The following ST6GALNAC5 variants were observed in gnomAD, a reference collection of about 807,000 sequenced individuals.
ST6GALNAC5 encodes alpha-N-acetylgalactosaminide alpha-2,6-sialyltransferase 5.
In ST6GALNAC5, 27 loss-of-function variants were observed where a neutral mutation model predicts 33.6. The ratio of observed to expected loss-of-function variants is 0.80; its 90% CI spans 0.59 to 1.11. The LOEUF is 1.11. Ranked by LOEUF, ST6GALNAC5 falls within the 50% of genes least tolerant of loss-of-function variation. The pLI, the probability that ST6GALNAC5 is intolerant of heterozygous loss-of-function variation, is 0.00. For missense variants in ST6GALNAC5, 428 were observed against 454.0 expected (o/e 0.94, Z 0.52); for synonymous variants, 194 against 171.2 (o/e 1.13, Z -1.04).
intron 2 of ST6GALNAC5, among the ~76,000 whole-genome samples, chr1:76,972,324 C>T (rs922088706): frequency 2.6e-5 from 4 of 151,962 alleles, no homozygotes; most frequent in African/African-American, 7.3e-5. Context: ...CCCACCAGGA[C>T]CCTCCCATGA....
chr1:76,968,470 G>A (rs1217798786), intron 2 of ST6GALNAC5, among the ~76,000 whole-genome samples: 1 of 152,106 alleles, frequency 6.6e-6, no homozygotes, highest in African/African-American at 2.4e-5. Context: ...GAGCCTATGT[G>A]TGTCTCTGCA....
chr1:76,946,459 A>C (rs1012722679), intron 2 of ST6GALNAC5, among the ~76,000 whole-genome samples: 1 of 152,198 alleles, frequency 6.6e-6, no homozygotes, highest in Admixed American at 6.5e-5. Context: ...TGTCTTTAGC[A>C]CTGTGCATTA....
chr1:76,935,238 CAG>C (rs1249152052), intron 2 of ST6GALNAC5, among the ~76,000 whole-genome samples: 6 of 151,966 alleles, frequency 3.9e-5, no homozygotes, highest in Non-Finnish European at 8.8e-5. Flanking sequence ...TAAATAACGA[CAG>C]TGTGTCAAAG....
At chr1:76,948,581 T>G (rs202049933) in intron 2 of ST6GALNAC5, among the ~76,000 whole-genome samples, 9 of 79,630 alleles carry the variant, frequency 1.1e-4, no homozygotes, top group Admixed American at 1.4e-4. Context: ...GGTATGGGAG[T>G]GGGGACAGAG....
At chr1:77,051,187 T>A (rs1652206540) in intron 4 of ST6GALNAC5, among the ~76,000 whole-genome samples, 1 of 152,228 alleles carries the variant, frequency 6.6e-6, no homozygotes, top group African/African-American at 2.4e-5. Flanking sequence ...TGTTTATTTT[T>A]TCTAACAATG....
chr1:76,973,071 A>G (rs1397755804), intron 2 of ST6GALNAC5, among the ~76,000 whole-genome samples: 2 of 151,970 alleles, frequency 1.3e-5, no homozygotes, highest in Non-Finnish European at 2.9e-5. Context: ...AGTTCATGAA[A>G]TGTATTTGAA....
At chr1:76,966,194 A>C (rs549801769) in intron 2 of ST6GALNAC5, among the ~76,000 whole-genome samples, 4 of 152,118 alleles carry the variant, frequency 2.6e-5, no homozygotes, top group African/African-American at 9.6e-5. Flanking sequence ...ACCTTGGGCA[A>C]TATGGCCATT....
intron 2 of ST6GALNAC5, among the ~76,000 whole-genome samples, chr1:76,989,944 G>A (rs1649659304): frequency 6.6e-6 from 1 of 152,062 alleles, no homozygotes; most frequent in South Asian, 2.1e-4. Flanking sequence ...CTACAACTGA[G>A]GTCTTGAGAT....
rs1653364831 is a variant in ST6GALNAC5, at chr1:76,867,492, G to C, written c.-184G>C. 2.3e-6 allele frequency: 2 copies of C among 859,912 alleles called. No individual in the cohort carries two copies. Among genetic ancestry groups the C allele is most frequent in the Non-Finnish European group, 3.9e-6 (2 of 518,782 alleles). The allele number at this position is 859,912 out of a possible 1,614,324, so 53.3% of individuals were successfully genotyped here. On this transcript the variant is annotated 5_prime_UTR_variant, in exon 1 of 5. Transcript: ENST00000477717. ...GAGGGTCCGGTTCAGTTTTAATTCT[G>C]TCTCTAATCTCTGCAACAGCCGCGC... is the stretch of plus-strand genomic sequence containing the variant.
intron 2 of ST6GALNAC5, among the ~76,000 whole-genome samples, chr1:76,951,535 G>T (rs1647744738): frequency 6.6e-6 from 1 of 152,084 alleles, no homozygotes; most frequent in South Asian, 2.1e-4. Context: ...ACCTAATGTA[G>T]ATGACAGGTT....
chr1:76,893,731 G>A (rs1557712199), intron 2 of ST6GALNAC5, among the ~76,000 whole-genome samples: 1 of 152,096 alleles, frequency 6.6e-6, no homozygotes, highest in African/African-American at 2.4e-5. Context: ...CGCGATCTCG[G>A]CTCACTGCAA....
At position 77,056,944 on chromosome 1, in the gene ST6GALNAC5, A is replaced by G. The variant is rs573228152; in HGVS notation, c.780-6031A>G. On this transcript the variant is annotated intron_variant, in intron 4 of 4. Coordinates refer to ENST00000477717, the MANE Select transcript of ST6GALNAC5 (RefSeq NM_030965.3). ...CAGCAGAATAAGGGTGGCTCAGGGC[A>G]CCTCCAGGACTGTGACAGATGCTTG... is the stretch of plus-strand genomic sequence containing the variant. 8.5e-5 allele frequency among the ~76,000 whole-genome samples: 13 copies of G among 152,214 alleles called. No homozygotes were observed. In the South Asian group the frequency reaches 2.3e-3, roughly 27 times the overall value.
At chr1:77,030,402 C>A (rs1651408304) in intron 2 of ST6GALNAC5, among the ~76,000 whole-genome samples, 1 of 152,182 alleles carries the variant, frequency 6.6e-6, no homozygotes, top group Non-Finnish European at 1.5e-5. Flanking sequence ...ATCTCACAGG[C>A]TTACATTGGG....
intron 2 of ST6GALNAC5, among the ~76,000 whole-genome samples, chr1:76,912,501 A>C (rs563666620): frequency 2.1e-4 from 32 of 151,966 alleles, no homozygotes; most frequent in African/African-American, 7.7e-4. Flanking sequence ...TGTCTCGTTG[A>C]TCTGTCTAAT....
chr1:76,882,065 AC>A (rs1418855479), intron 2 of ST6GALNAC5, among the ~76,000 whole-genome samples: 1 of 152,184 alleles, frequency 6.6e-6, no homozygotes, highest in African/African-American at 2.4e-5. Context: ...GCCTAGGCCT[AC>A]CCAGTTATTG....
At chr1:76,919,008 C>G (rs1647004375) in intron 2 of ST6GALNAC5, among the ~76,000 whole-genome samples, 1 of 152,112 alleles carries the variant, frequency 6.6e-6, no homozygotes, top group African/African-American at 2.4e-5. Context: ...CCTCTCTTGT[C>G]TTAGCAATGC....
chr1:77,062,910 C>A, intron 4 of ST6GALNAC5, 65 bp from the exon 5 acceptor site: 2 of 1,163,310 alleles, frequency 1.7e-6, no homozygotes, highest in South Asian at 1.3e-5. Flanking sequence ...TAACATCTTA[C>A]CTCAATCAGT....
At chr1:76,917,042 C>G (rs1389292367) in intron 2 of ST6GALNAC5, among the ~76,000 whole-genome samples, 1 of 152,110 alleles carries the variant, frequency 6.6e-6, no homozygotes, top group African/African-American at 2.4e-5. Context: ...GAATAACTCC[C>G]TCAGGGTGAA....
intron 2 of ST6GALNAC5, among the ~76,000 whole-genome samples, chr1:76,991,836 T>C (rs1570745914): frequency 8.3e-6 from 1 of 120,326 alleles, no homozygotes; most frequent in African/African-American, 4.6e-5. Flanking sequence ...CTCACGCGTG[T>C]GCGCACACAC....
Sources: gnomAD v4.1 joint callset for allele counts (sites outside exome capture counted in the v4.1 genomes callset) on GRCh38, gnomAD v4.1.1 for gene constraint, MANE v1.5 for transcripts, NCBI Gene and HGNC (gene_info 2026-07-23, HGNC 2026-07-21) for gene names.